TTN: variants seen among roughly 807,000 people sequenced by gnomAD.
TTN encodes titin.
A neutral mutation model predicts 3,223.0 loss-of-function variants in TTN; 1,525 were observed. The observed-to-expected ratio is 0.47, with a 90% CI of 0.45 to 0.49. TTN has a LOEUF of 0.49. Among genes scored for constraint, TTN ranks in the 20% least tolerant of loss-of-function variants. The probability of loss-of-function intolerance (pLI) is 0.00; values close to 1 mark genes in which losing one functional copy is unlikely to be tolerated. For synonymous variants in TTN, 14,094 were observed against 15,161.0 expected (o/e 0.93, Z 5.17); for missense variants, 40,786 against 43,424.0 (o/e 0.94, Z 5.40).
chr2:178,544,055 G>T lies in TTN; in HGVS notation c.96089C>A (p.Ala32030Asp), dbSNP rs781660295. 6.2e-7 allele frequency: 1 copy of T among 1,613,380 alleles called. No homozygotes were observed. Among genetic ancestry groups the T allele is most frequent in the Non-Finnish European group, 8.5e-7 (1 of 1,179,628 alleles). ...LKKTVTIRAG[A>D]SLRLMVSVSG... ...TACAGACACCATCAAGCGCAAGGAG[G>T]CCCCAGCCCTGATGGTCACAGTCTT... is the stretch of plus-strand genomic sequence containing the variant. The change falls in exon 346 of 363, where the codon GCC (alanine) becomes GAC (aspartate). Residue 32030 changes from alanine (A) to aspartate (D), a missense_variant. Ala to Asp is a moderately radical substitution (Grantham distance 126, BLOSUM62 -2). Transcript: ENST00000589042.
Position 178,550,228 on chromosome 2 carries a change from A to T in TTN, c.91610T>A (p.Ile30537Asn). 1 of 1,613,500 alleles carries T rather than the reference A, an allele frequency of 6.2e-7. No individual in the cohort carries two copies. The highest frequency in any genetic ancestry group is 8.5e-7 in the Non-Finnish European group (1 of 1,179,624). ...TCTAAGGCTCTCTCCGGACTTAATA[A>T]TGAGACCATCAAAGTATTCAGGGCC... ...EFGPEYFDGL[I>N]IKSGESLRIK... The change falls in exon 337 of 363, where the codon ATT becomes AAT. Residue 30537 changes from isoleucine (I) to asparagine (N), a missense_variant. Ile to Asn is a moderately radical substitution (Grantham distance 149). Transcript: ENST00000589042.
In TTN at chr2:178,577,102, T is replaced by C. The variant is rs761442590; in HGVS notation, c.69233A>G (p.Glu23078Gly). 4 of 1,613,162 alleles carry C rather than the reference T, an allele frequency of 2.5e-6. No individual in the cohort carries two copies. In the African/African-American group the frequency reaches 5.3e-5, roughly 22 times the overall value. ...GGSPIKSYIL[E>G]KRETSRLLWT... ...CAAAAGTCGGCTGGTTTCTCTCTTT[T>C]CAAGTATATAGGACTTAATTGGTGA... Residue 23078 changes from glutamate to glycine, a missense_variant, in exon 324 of 363, where the codon GAA becomes GGA. Coordinates refer to ENST00000589042, the MANE Select transcript of TTN (RefSeq NM_001267550.2).
rs1432586088 is a variant in TTN, at chr2:178,598,930, G to T, written c.56780C>A (p.Thr18927Asn). Residue 18927 changes from threonine to asparagine, a missense_variant, in exon 291 of 363, where the codon ACT (threonine) becomes AAT (asparagine). By Grantham distance (65) the Thr-to-Asn change is moderately conservative. Transcript: ENST00000589042. ...GTTAACTCTCTTCCATCTCTTTGAA[G>T]TGGTGTCTTTCATTTCCAGCCAGTA... is the stretch of plus-strand genomic sequence containing the variant. ...TGYWLEMKDT[T>N]SKRWKRVNRD... 6.2e-7 allele frequency: 1 copy of T among 1,612,982 alleles called. No homozygotes were observed. Among genetic ancestry groups the T allele is most frequent in the South Asian group, 1.1e-5 (1 of 91,032 alleles).
chr2:178,718,429 G>T lies in TTN; in HGVS notation c.24677C>A (p.Thr8226Asn), dbSNP rs1391244402. ...RCSITMTEKS[T>N]ILEILESTIE... Reference sequence around the variant, plus strand: ...TGTGCTCTCAAGAATTTCCAGTATGGTAGATTTTTCTGTCATAGTAATACT... The same window carrying T: ...TGTGCTCTCAAGAATTTCCAGTATGTTAGATTTTTCTGTCATAGTAATACT... The change falls in exon 85 of 363, where the codon ACC (threonine) becomes AAC (asparagine). Residue 8226 changes from threonine (T) to asparagine (N), a missense_variant. By Grantham distance (65) the Thr-to-Asn change is moderately conservative (BLOSUM62 0). Coordinates refer to ENST00000589042, the MANE Select transcript of TTN (RefSeq NM_001267550.2). 4 of 1,613,714 alleles carry T rather than the reference G, an allele frequency of 2.5e-6. No individual in the cohort carries two copies. The South Asian group carries it at 4.4e-5, about 18-fold the overall frequency.
rs138749618 is a variant in TTN at position 178,773,934 on chromosome 2, G to A, written c.7234C>T (p.Leu2412=). The A allele has an allele frequency of 2.9e-5, 46 of 1,613,992 alleles. 1 individual carries two copies. In the Admixed American group the frequency reaches 7.7e-4, roughly 27 times the overall value. ...TCCTTAGTCATGTCTTCAATGAGCA[G>A]CATATGAGATTGTTTGTCTATCACA... ...HIVIDKQSHM[L]LIEDMTKEDA... The change falls in exon 31 of 363, where the codon CTG becomes TTG. Residue 2412 remains leucine (L), a synonymous_variant. Transcript: ENST00000589042.
rs1171410396 is a variant in TTN, at chr2:178,589,703, G to T, written c.62022C>A (p.Asn20674Lys). 6.2e-7 allele frequency: 1 copy of T among 1,613,524 alleles called. No homozygotes were observed. Among genetic ancestry groups the T allele is most frequent in the Non-Finnish European group, 8.5e-7 (1 of 1,179,596 alleles). Residue 20674 changes from asparagine (N) to lysine (K), a missense_variant, in exon 304 of 363, where the codon AAC (asparagine) becomes AAA (lysine). Transcript: ENST00000589042. The stretch of plus-strand genomic sequence containing the variant: ...TCTTTCCTTTATCTGCAATGTGAAG[G>T]TTTTCAGGCTCACCTGGTCTGTCAA... ...NPIDRPGEPE[N>K]LHIADKGKTF...
intron 166 of TTN, 54 bp from the exon 167 acceptor site, chr2:178,664,791 CA>C: frequency 6.2e-7 from 1 of 1,609,918 alleles, no homozygotes. Context: ...CTAGGAATAG[CA>C]AAAATATTCT....
Position 178,710,719 on chromosome 2 carries a change from C to G in TTN, c.28378G>C (p.Asp9460His). The change falls in exon 98 of 363, where the codon GAC becomes CAC. Residue 9460 changes from aspartate to histidine, a missense_variant. Transcript: ENST00000589042. ...NSAHLTVLKV[D>H]KGDSGQYTCY... The stretch of plus-strand genomic sequence containing the variant: ...GTATATTGTCCAGAATCTCCTTTGT[C>G]TACTTTGAGGACTGTCAGGTGGGCG... 6.2e-7 allele frequency: 1 copy of G among 1,613,770 alleles called. No homozygotes were observed. Among genetic ancestry groups the G allele is most frequent in the Non-Finnish European group, 8.5e-7 (1 of 1,179,826 alleles).
rs748275289 is a variant in TTN at position 178,618,447 on chromosome 2, C to T, written c.47011G>A (p.Asp15671Asn). The T allele has an allele frequency of 5.0e-6, 8 of 1,612,376 alleles. 1 individual carries two copies. In the South Asian group the frequency reaches 8.8e-5, roughly 18 times the overall value. The change falls in exon 252 of 363, where the codon GAT becomes AAT. Residue 15671 changes from aspartate to asparagine, a missense_variant. Transcript: ENST00000589042. Reference protein sequence around the residue: ...VRNLEVTETFDGEVSLAWEEP... With the variant: ...VRNLEVTETFNGEVSLAWEEP... ...TCCCAAGCAAGGCTCACTTCACCATCAAATGTTTCTGTCACTTCTAAGTTA... is the reference window on the plus strand; with the variant it reads ...TCCCAAGCAAGGCTCACTTCACCATTAAATGTTTCTGTCACTTCTAAGTTA...
In TTN at chr2:178,746,730, C is replaced by T. The variant is rs772252998; in HGVS notation, c.11312-4809G>A. On this transcript the variant is annotated intron_variant, in intron 47 of 362. Coordinates refer to ENST00000589042, the MANE Select transcript of TTN (RefSeq NM_001267550.2). ...TCCATTTTGATTCTTTCATCTGGCT[C>T]TAGTAAAGATTTATTTCGATACCAT... 2.9e-5 allele frequency: 47 copies of T among 1,613,256 alleles called. 1 individual carries two copies. Among genetic ancestry groups the T allele is most frequent in the Non-Finnish European group, 8.5e-7 (1 of 1,179,586 alleles).
In TTN at chr2:178,635,426, G is replaced by T. The variant is rs376264278; in HGVS notation, c.41884+14C>A. On this transcript the variant is annotated intron_variant, in intron 227 of 362. Coordinates refer to ENST00000589042, the MANE Select transcript of TTN (RefSeq NM_001267550.2). ...GCAAAACTTATAATTTGAATAAAAG[G>T]TAAGATTTTATACCTCCAAGTGTCA... 4 of 1,603,060 alleles carry T rather than the reference G, an allele frequency of 2.5e-6. No individual in the cohort carries two copies. Among genetic ancestry groups the T allele is most frequent in the African/African-American group, 2.7e-5 (2 of 74,290 alleles).
Position 178,564,632 on chromosome 2 carries a change from G to A in TTN, c.81500C>T (p.Ala27167Val). 1 of 1,613,498 alleles carries A rather than the reference G, an allele frequency of 6.2e-7. No homozygotes were observed. Among genetic ancestry groups the A allele is most frequent in the Non-Finnish European group, 8.5e-7 (1 of 1,179,688 alleles). The stretch of plus-strand genomic sequence containing the variant: ...ACCAGGTGGGTCACATGGATCACGA[G>A]CAACAAAGCATTCTGACACTTTGCT... ...KPSKVSECFV[A>V]RDPCDPPGRP... The change falls in exon 326 of 363, where the codon GCT (alanine) becomes GTT (valine). Residue 27167 changes from alanine (A) to valine (V), a missense_variant. Physicochemically the swap from Ala to Val is moderately conservative, Grantham distance 64. Coordinates refer to ENST00000589042, the MANE Select transcript of TTN (RefSeq NM_001267550.2).
chr2:178,684,870 AAGAC>A lies in TTN; in HGVS notation c.32554+32_32554+35del, dbSNP rs773746601. ...GAATGTATCAATTTAAGATTAAAAA[AAGAC>A]AGTCTTGAGAATAAAATAAAATCCA... On this transcript the variant is annotated intron_variant, in intron 130 of 362. Transcript: ENST00000589042. 3.2e-6 allele frequency: 5 copies of A among 1,558,816 alleles called. No individual in the cohort carries two copies. In the African/African-American group the frequency reaches 4.1e-5, roughly 13 times the overall value.
rs1706857293 is a variant in TTN at position 178,568,557 on chromosome 2, C to T, written c.77575G>A (p.Glu25859Lys). 6.2e-7 allele frequency: 1 copy of T among 1,613,310 alleles called. No homozygotes were observed. Among genetic ancestry groups the T allele is most frequent in the Non-Finnish European group, 8.5e-7 (1 of 1,179,588 alleles). The change falls in exon 326 of 363, where the codon GAA becomes AAA. Residue 25859 changes from glutamate to lysine, a missense_variant. By Grantham distance (56) the Glu-to-Lys change is moderately conservative (BLOSUM62 1). Coordinates refer to ENST00000589042, the MANE Select transcript of TTN (RefSeq NM_001267550.2). ...TGTCCACCATCATCCTTATGAGTTT[C>T]TTTAATACTGAGTGTGGTGAGATCC... ...SLDLTTLSIK[E>K]THKDDGGQYG...
intron 113 of TTN, among the ~76,000 whole-genome samples, chr2:178,696,544 A>C (rs1001799789): frequency 6.6e-6 from 1 of 151,936 alleles, no homozygotes; most frequent in Non-Finnish European, 1.5e-5. Context: ...ATTCCATGAG[A>C]GCTCCAGTTT....
In TTN at chr2:178,586,920, G is replaced by A. The variant is rs1576021081; in HGVS notation, c.64094-113C>T. 6 of 1,426,316 alleles carry A rather than the reference G, an allele frequency of 4.2e-6. No individual in the cohort carries two copies. In the East Asian group the frequency reaches 1.4e-4, roughly 33 times the overall value. The allele number at this position is 1,426,316 out of a possible 1,614,324, so 88.4% of individuals were successfully genotyped here. Reference sequence around the variant, plus strand: ...TGCTCCAATGTACATAGAACCTGTAGTTCAGTACATTAAAAGCAAAACATA... The same window carrying A: ...TGCTCCAATGTACATAGAACCTGTAATTCAGTACATTAAAAGCAAAACATA... On this transcript the variant is annotated intron_variant, in intron 307 of 362. Coordinates refer to ENST00000589042, the MANE Select transcript of TTN (RefSeq NM_001267550.2).
In TTN at chr2:178,620,115, A is replaced by G. The variant is rs1189518195; in HGVS notation, c.46305-3T>C. The G allele has an allele frequency of 2.5e-6, 4 of 1,607,472 alleles. No individual in the cohort carries two copies. Among genetic ancestry groups the G allele is most frequent in the Non-Finnish European group, 3.4e-6 (4 of 1,177,588 alleles). ...TTCCATCTTTTTCAAATTTGTATCT[A>G]AAGGAGACATTGGATTATCAGTTAG... On this transcript the variant is annotated splice_polypyrimidine_tract_variant and splice_region_variant and intron_variant, in intron 248 of 362. Coordinates refer to ENST00000589042, the MANE Select transcript of TTN (RefSeq NM_001267550.2).
intron 349 of TTN, chr2:178,541,872 T>G (rs1289654247): frequency 1.4e-5 from 3 of 220,730 alleles, no homozygotes; most frequent in Non-Finnish European, 2.6e-5. Flanking sequence ...TGTACTTTCC[T>G]TGCTGTTCCT....
In TTN at chr2:178,532,516, G is replaced by A. The variant is rs757181586; in HGVS notation, c.104099C>T (p.Pro34700Leu). The part of the protein sequence containing the change: ...GFSASPPSRS[P>L]PHFELSSLRY... ...TAGGCTAGAAAGCTCAAAGTGTGGA[G>A]GGCTTCGACTTGGGGGTGAAGCTGA... Residue 34700 changes from proline (P) to leucine (L), a missense_variant, in exon 358 of 363, where the codon CCT becomes CTT. Coordinates refer to ENST00000589042, the MANE Select transcript of TTN (RefSeq NM_001267550.2). The A allele has an allele frequency of 2.0e-5, 32 of 1,613,850 alleles. No individual in the cohort carries two copies. Among genetic ancestry groups the A allele is most frequent in the Non-Finnish European group, 2.7e-5 (32 of 1,179,882 alleles).
Sources: allele counts gnomAD v4.1 joint callset (sites outside exome capture counted in the v4.1 genomes callset), GRCh38; gene constraint gnomAD v4.1.1; transcripts MANE v1.5; gene names NCBI Gene and HGNC (gene_info 2026-07-23, HGNC 2026-07-21).